Variants in MVP observed in about 807,000 individuals in gnomAD.
The protein encoded by MVP is lung resistance-related protein.
A neutral mutation model predicts 83.5 loss-of-function variants in MVP; 62 were observed. The observed-to-expected ratio is 0.74, with a 90% CI of 0.61 to 0.92. The LOEUF (loss-of-function observed/expected upper bound fraction) is 0.92, where lower values mean the gene tolerates loss of function less well. Ranked by LOEUF, MVP falls within the 40% of genes least tolerant of loss-of-function variation. MVP has a pLI of 0.00. For missense variants in MVP, 1,000 were observed against 1,203.4 expected (o/e 0.83, Z 2.50); for synonymous variants, 505 against 504.1 (o/e 1.00, Z -0.02).
At position 29,833,871 on chromosome 16, in the gene MVP, C is replaced by T; in HGVS notation, c.445+15C>T. On this transcript the variant is annotated intron_variant, in intron 4 of 14. Coordinates refer to ENST00000357402, the MANE Select transcript of MVP (RefSeq NM_005115.5). Reference sequence around the variant, plus strand: ...CGAGGGACCTGGTAAGTTCTGTCTCCATAGGGCTCCCTGCCTTCCTGTCAT... The same window carrying T: ...CGAGGGACCTGGTAAGTTCTGTCTCTATAGGGCTCCCTGCCTTCCTGTCAT... 6.2e-7 allele frequency: 1 copy of T among 1,614,120 alleles called. No homozygotes were observed. The highest frequency in any genetic ancestry group is 8.5e-7 in the Non-Finnish European group (1 of 1,180,010).
chr16:29,837,905 C>G (rs2067501500), intron 7 of MVP, among the ~76,000 whole-genome samples: 1 of 152,096 alleles, frequency 6.6e-6, no homozygotes, highest in Non-Finnish European at 1.5e-5. Context: ...TTGGTTTACC[C>G]TCTCCCACCC....
intron 1 of MVP, 104 bp from the exon 2 acceptor site, chr16:29,830,411 G>A: frequency 1.0e-6 from 1 of 953,722 alleles, no homozygotes; most frequent in East Asian, 2.5e-5. Context: ...TGGCCTGGCT[G>A]GAGGAGGTAG....
chr16:29,841,768 C>T lies in MVP; in HGVS notation c.1364C>T (p.Thr455Ile). ...CAGCCCTTGGCGCCCCGGAACAAGACCCGTGTGGTCAGCTACCGCGTGCCC... is the reference window on the plus strand; with the variant it reads ...CAGCCCTTGGCGCCCCGGAACAAGATCCGTGTGGTCAGCTACCGCGTGCCC... Reference protein sequence around the residue: ...SLQPLAPRNKTRVVSYRVPHN... With the variant: ...SLQPLAPRNKIRVVSYRVPHN... Residue 455 changes from threonine to isoleucine, a missense_variant, in exon 9 of 15, where the codon ACC becomes ATC. Physicochemically the swap from Thr to Ile is moderately conservative, Grantham distance 89. Transcript: ENST00000357402. This position sits in a 1 kb window ranked among gnomAD's most constrained non-coding sequence, Gnocchi z 4.7. 1 of 1,613,710 alleles carries T rather than the reference C, an allele frequency of 6.2e-7. No individual in the cohort carries two copies. The highest frequency in any genetic ancestry group is 8.5e-7 in the Non-Finnish European group (1 of 1,179,972).
intron 1 of MVP, among the ~76,000 whole-genome samples, chr16:29,823,748 CAGG>C (rs2067382590): frequency 6.6e-6 from 1 of 150,732 alleles, no homozygotes; most frequent in African/African-American, 2.4e-5. Flanking sequence ...CCAGCTGAGG[CAGG>C]AGAATGGCAT....
chr16:29,829,515 C>T (rs1462085066), intron 1 of MVP: 1 of 148,642 alleles, frequency 6.7e-6, no homozygotes, highest in Non-Finnish European at 1.5e-5. Flanking sequence ...GGCTCTGGAG[C>T]ACCTAGTAAA....
intron 1 of MVP, among the ~76,000 whole-genome samples, chr16:29,827,626 A>G (rs1174066331): frequency 6.6e-6 from 1 of 152,214 alleles, no homozygotes; most frequent in Non-Finnish European, 1.5e-5. Context: ...AATTTAAATT[A>G]AAATTAGCTG....
chr16:29,822,824 TCTC>T (rs2067373416), intron 1 of MVP, among the ~76,000 whole-genome samples: 4 of 152,090 alleles, frequency 2.6e-5, no homozygotes, highest in Admixed American at 6.6e-5. Flanking sequence ...TTCAAGCAAT[TCTC>T]CTGCCTCAGC....
At chr16:29,837,110 C>A (rs780008269) in intron 7 of MVP, 152 bp downstream of exon 7, 2 of 723,016 alleles carry the variant, frequency 2.8e-6, no homozygotes, top group Non-Finnish European at 2.2e-6. Context: ...GAGACACTGG[C>A]CCATTTGATT....
intron 3 of MVP, among the ~76,000 whole-genome samples, chr16:29,833,173 G>A (rs1352520431): frequency 6.6e-6 from 1 of 152,070 alleles, no homozygotes; most frequent in Non-Finnish European, 1.5e-5. Context: ...AGACTGTTGT[G>A]AGCCATGGTT....
chr16:29,835,995 A>G (rs563772715), intron 6 of MVP, among the ~76,000 whole-genome samples, 197 bp downstream of exon 6: 1 of 152,172 alleles, frequency 6.6e-6, no homozygotes, highest in East Asian at 1.9e-4. Flanking sequence ...GCTGGGCGCA[A>G]TGACTCACAT....
At chr16:29,828,321 G>A (rs193274464) in intron 1 of MVP, among the ~76,000 whole-genome samples, 29 of 152,272 alleles carry the variant, frequency 1.9e-4, no homozygotes, top group Middle Eastern at 3.4e-3. Context: ...AGACAGCACA[G>A]ATTTAGAATA....
chr16:29,825,345 C>T (rs928655416), intron 1 of MVP, among the ~76,000 whole-genome samples: 2 of 152,226 alleles, frequency 1.3e-5, no homozygotes, highest in African/African-American at 4.8e-5. Flanking sequence ...CAAAGGTCAA[C>T]ACAATCCTTG....
In MVP at chr16:29,845,926, C is replaced by T; in HGVS notation, c.2085C>T (p.Asp695=). ...GGCTTGAGCGGCAGAAGATCCTGGA[C>T]CAGTCAGAAGCCGAGAAAGCTCGCA... ...RGRLERQKIL[D]QSEAEKARKE... Residue 695 remains aspartate, a synonymous_variant, in exon 12 of 15, where the codon GAC becomes GAT. Transcript: ENST00000357402. The T allele has an allele frequency of 6.2e-7, 1 of 1,614,222 alleles. No homozygotes were observed. The highest frequency in any genetic ancestry group is 1.6e-4 in the Middle Eastern group (1 of 6,062).
chr16:29,838,279 C>CA (rs2067504827), intron 7 of MVP, among the ~76,000 whole-genome samples: 1 of 151,616 alleles, frequency 6.6e-6, no homozygotes, highest in African/African-American at 2.4e-5. Context: ...ACTAAAAATA[C>CA]AAAAAAATTA....
chr16:29,823,552 G>GAT (rs542053086), intron 1 of MVP, among the ~76,000 whole-genome samples: 271 of 150,064 alleles, frequency 1.8e-3, no homozygotes, highest in African/African-American at 4.2e-3. Context: ...CTCAATCCTG[G>GAT]ATATATATTA....
At position 29,841,094 on chromosome 16, in the gene MVP, T is replaced by C. The variant is rs1372914386; in HGVS notation, c.1192-502T>C. 6.6e-6 allele frequency among the ~76,000 whole-genome samples: 1 copy of C among 151,966 alleles called. No homozygotes were observed. The highest frequency in any genetic ancestry group is 1.5e-5 in the Non-Finnish European group (1 of 67,986). ...CATGCCCATATCCCGGTGGAATCTT[T>C]CATTTTTTTCTGCTTCACCTAAAAC... On this transcript the variant is annotated intron_variant, in intron 8 of 14. Coordinates refer to ENST00000357402, the MANE Select transcript of MVP (RefSeq NM_005115.5). The surrounding 1 kb of genome is among the most constrained non-coding windows in gnomAD (Gnocchi z 4.7).
intron 7 of MVP, among the ~76,000 whole-genome samples, chr16:29,837,510 T>A (rs1596920881): frequency 6.6e-6 from 1 of 152,094 alleles, no homozygotes; most frequent in East Asian, 1.9e-4. Flanking sequence ...TCCCAGCACT[T>A]TGGGAGGCCG....
At chr16:29,824,292 C>A (rs975670497) in intron 1 of MVP, among the ~76,000 whole-genome samples, 5 of 148,982 alleles carry the variant, frequency 3.4e-5, no homozygotes, top group Non-Finnish European at 5.9e-5. Context: ...CTGCTTTAGA[C>A]CAGAGCTGCT....
chr16:29,839,581 G>A (rs1452154943), intron 7 of MVP, among the ~76,000 whole-genome samples: 1 of 151,800 alleles, frequency 6.6e-6, no homozygotes, highest in African/African-American at 2.4e-5. Flanking sequence ...CTAGGACTTT[G>A]AGACCAGCTT....
Sources: gnomAD v4.1 joint callset for allele counts (sites outside exome capture counted in the v4.1 genomes callset) on GRCh38, gnomAD v4.1.1 for gene constraint, Gnocchi (gnomAD v3.1) non-coding constraint, MANE v1.5 for transcripts, NCBI Gene and HGNC (gene_info 2026-07-23, HGNC 2026-07-21) for gene names.